Variants in ITGA7 observed in about 807,000 individuals in gnomAD.
ITGA7 encodes integrin subunit alpha 7, also known as integrin alpha-7.
Under a neutral mutation model 131.6 loss-of-function variants are expected in ITGA7, and 84 were observed. The observed-to-expected ratio is 0.64, with a 90% CI of 0.54 to 0.77. The LOEUF (loss-of-function observed/expected upper bound fraction) is 0.77, where lower values mean the gene tolerates loss of function less well. ITGA7 is among the 30% of genes least tolerant of loss of function. The probability of loss-of-function intolerance (pLI) is 0.00; values close to 1 mark genes in which losing one functional copy is unlikely to be tolerated. For missense variants in ITGA7, 1,399 were observed against 1,482.9 expected (o/e 0.94, Z 0.93); for synonymous variants, 548 against 600.7 (o/e 0.91, Z 1.28).
At chr12:55,686,867 T>C (rs995724117) in intron 24 of ITGA7, among the ~76,000 whole-genome samples, 1 of 152,186 alleles carries the variant, frequency 6.6e-6, no homozygotes, top group African/African-American at 2.4e-5. Context: ...TTGGCCACAT[T>C]TACCTTTCCA....
chr12:55,702,244 A>C (rs955638912), intron 3 of ITGA7, among the ~76,000 whole-genome samples: 5 of 150,854 alleles, frequency 3.3e-5, no homozygotes, highest in Non-Finnish European at 7.4e-5. Context: ...CAGTGGCGCG[A>C]TCTCAGCTCA....
intron 12 of ITGA7, among the ~76,000 whole-genome samples, 170 bp downstream of exon 12, chr12:55,696,729 C>G (rs1431158047): frequency 6.6e-6 from 1 of 152,106 alleles, no homozygotes; most frequent in African/African-American, 2.4e-5. Context: ...GCAGAAATGA[C>G]AGGAGAGGGC....
chr12:55,695,590 G>T lies in ITGA7; in HGVS notation c.1935C>A (p.Ser645Arg). 1 of 1,610,604 alleles carries T rather than the reference G, an allele frequency of 6.2e-7. No homozygotes were observed. Among genetic ancestry groups the T allele is most frequent in the Non-Finnish European group, 8.5e-7 (1 of 1,177,758 alleles). ...QGCGEDKICQSNLQLVRARFC... is the reference protein window; with the variant it reads ...QGCGEDKICQRNLQLVRARFC... ...AGCGGGCGCGGACCAGCTGCAGATT[G>T]CTCTGGCAGATCTTGTCTTCACCAC... The change falls in exon 14 of 25, where the codon AGC (serine) becomes AGA (arginine). Residue 645 changes from serine (S) to arginine (R), a missense_variant. Transcript: ENST00000257879.
At position 55,700,450 on chromosome 12, in the gene ITGA7, C is replaced by A. The variant is rs1033936931; in HGVS notation, c.670+449G>T. On this transcript the variant is annotated intron_variant, in intron 4 of 24. Coordinates refer to ENST00000257879, the MANE Select transcript of ITGA7 (RefSeq NM_002206.3). ...AGGGCGCAAGGAACACCCCTCAGGC[C>A]GGACACTGAGTTAGACAGGCACACG... The A allele has an allele frequency of 9.0e-6, 14 of 1,559,008 alleles. No individual in the cohort carries two copies. In the South Asian group the frequency reaches 1.6e-4, roughly 18 times the overall value.
upstream of ITGA7, among the ~76,000 whole-genome samples, chr12:55,711,628 C>CA (rs952279690): frequency 2.3e-4 from 34 of 148,470 alleles, no homozygotes; most frequent in African/African-American, 7.2e-4. Flanking sequence ...GACTCTGTCT[C>CA]AAAAAAAAAG....
chr12:55,715,875 G>C, upstream of ITGA7: 1 of 754,728 alleles, frequency 1.3e-6, no homozygotes, highest in Non-Finnish European at 2.0e-6. Flanking sequence ...TTAAAAACTG[G>C]CTTGGCAATA....
At chr12:55,716,075 G>A, upstream of ITGA7, 1 of 1,572,450 alleles carries the variant, frequency 6.4e-7, no homozygotes, top group Non-Finnish European at 8.6e-7. Flanking sequence ...GCCGAGGTGA[G>A]CGTTCCAGCT....
chr12:55,697,091 G>A (rs776895693), intron 11 of ITGA7, 23 bp from the exon 12 acceptor site: 15 of 1,609,346 alleles, frequency 9.3e-6, no homozygotes, highest in Middle Eastern at 3.3e-4. Flanking sequence ...GGGAAAGGAG[G>A]AGCTGCTGAG....
chr12:55,716,143 C>G, upstream of ITGA7: 1 of 1,612,046 alleles, frequency 6.2e-7, no homozygotes, highest in Non-Finnish European at 8.5e-7. Context: ...ACCATGCTGT[C>G]CCGCCTCCTA....
chr12:55,696,460 T>C, intron 12 of ITGA7, 28 bp from the exon 13 acceptor site: 1 of 1,583,156 alleles, frequency 6.3e-7, no homozygotes, highest in Non-Finnish European at 8.6e-7. Flanking sequence ...TATTCCTCAC[T>C]GGAACAATCC....
At chr12:55,701,959 G>A (rs189906265) in intron 3 of ITGA7, among the ~76,000 whole-genome samples, 9 of 152,132 alleles carry the variant, frequency 5.9e-5, no homozygotes, top group East Asian at 3.9e-4. Context: ...GTATCTATGC[G>A]TGTTACTGAA....
intron 19 of ITGA7, 43 bp from the exon 20 acceptor site, chr12:55,693,360 C>CTT (rs56890747): frequency 6.6e-4 from 801 of 1,219,236 alleles, no homozygotes; most frequent in Non-Finnish European, 8.0e-4. Flanking sequence ...CTCAGTTTTT[C>CTT]TTTTTTTTTT....
chr12:55,698,342 T>C (rs554614256), intron 7 of ITGA7, 41 bp downstream of exon 7: 261 of 1,546,906 alleles, frequency 1.7e-4, no homozygotes, highest in Non-Finnish European at 2.2e-4. Context: ...ATCCCTCCTG[T>C]GGCCCCTCCC....
chr12:55,685,119 A>G lies in ITGA7; in HGVS notation c.3353T>C (p.Leu1118Pro), dbSNP rs1321072683. ...CAGCTCGGGATGCCCGTCAGCAGCC[A>G]GGATGGGGTGTGCATCCGGGCCCTC... is the stretch of plus-strand genomic sequence containing the variant. The part of the protein sequence containing the change: ...RREGPDAHPI[L>P]AADGHPELGP... Residue 1118 changes from leucine (L) to proline (P), a missense_variant, in exon 25 of 25, where the codon CTG becomes CCG. Coordinates refer to ENST00000257879, the MANE Select transcript of ITGA7 (RefSeq NM_002206.3). The G allele has an allele frequency of 1.9e-6, 3 of 1,612,276 alleles. No homozygotes were observed. In the Admixed American group the frequency reaches 5.0e-5, roughly 27 times the overall value.
At chr12:55,686,636 T>C (rs564441342) in intron 24 of ITGA7, among the ~76,000 whole-genome samples, 1 of 152,336 alleles carries the variant, frequency 6.6e-6, no homozygotes, top group East Asian at 1.9e-4. Context: ...TAGCCCCCGA[T>C]GTGGCAGATG....
chr12:55,699,052 C>T (rs1873357627), intron 5 of ITGA7, 135 bp from the exon 6 acceptor site: 1 of 789,596 alleles, frequency 1.3e-6, no homozygotes, highest in Non-Finnish European at 2.1e-6. Context: ...CCTGCCCCCT[C>T]CCCTAGGTTA....
intron 19 of ITGA7, among the ~76,000 whole-genome samples, chr12:55,693,628 C>T (rs972566173): frequency 6.6e-5 from 10 of 152,118 alleles, no homozygotes; most frequent in South Asian, 4.1e-4. Flanking sequence ...GCACCATTCT[C>T]TCCACCCACC....
At position 55,693,747 on chromosome 12, in the gene ITGA7, C is replaced by T. The variant is rs190791329; in HGVS notation, c.2535+274G>A. On this transcript the variant is annotated intron_variant, in intron 19 of 24. Coordinates refer to ENST00000257879, the MANE Select transcript of ITGA7 (RefSeq NM_002206.3). ...TTAACCCCCCGCCCCATGTTCCCAT[C>T]CCCCAGCTGAGGCCCACAGCAGAGA... is the stretch of plus-strand genomic sequence containing the variant. Among the ~76,000 whole-genome samples, 221 of 152,160 alleles carry T rather than the reference C, an allele frequency of 1.5e-3. 1 individual carries two copies. Among genetic ancestry groups the T allele is most frequent in the African/African-American group, 5.1e-3 (210 of 41,486 alleles).
chr12:55,701,832 TC>T (rs1292296953), intron 3 of ITGA7, among the ~76,000 whole-genome samples: 1 of 152,206 alleles, frequency 6.6e-6, no homozygotes, highest in Non-Finnish European at 1.5e-5. Flanking sequence ...GCTCAAATCA[TC>T]CCCTCTGCAG....
Sources: gnomAD v4.1 joint callset for allele counts (sites outside exome capture counted in the v4.1 genomes callset) on GRCh38, gnomAD v4.1.1 for gene constraint, MANE v1.5 for transcripts, NCBI Gene and HGNC (gene_info 2026-07-23, HGNC 2026-07-21) for gene names.